The following ESR1 variants were observed in gnomAD, a reference collection of about 807,000 sequenced individuals.
ESR1 encodes the protein estrogen receptor 1.
ESR1 carries 12 observed loss-of-function variants against 52.7 expected under a neutral mutation model. That is an observed-to-expected ratio of 0.23 (90% CI 0.15 to 0.37). ESR1 has a LOEUF of 0.37. ESR1 is among the 10% of genes least tolerant of loss of function. ESR1 has a pLI of 1.00. For synonymous variants in ESR1, 305 were observed against 316.8 expected (o/e 0.96, Z 0.39); for missense variants, 584 against 779.7 (o/e 0.75, Z 2.99).
chr6:151,848,967 T>C (rs1297542134), intron 2 of ESR1, among the ~76,000 whole-genome samples: 2 of 152,142 alleles, frequency 1.3e-5, no homozygotes, highest in East Asian at 1.9e-4. Flanking sequence ...TTTTTTGCTA[T>C]TCCCCCCAAC....
At chr6:152,097,293 A>G (rs2050693330) in intron 7 of ESR1, among the ~76,000 whole-genome samples, 1 of 152,206 alleles carries the variant, frequency 6.6e-6, no homozygotes, top group Non-Finnish European at 1.5e-5. Context: ...GTTGCTACTC[A>G]GAGAATTTAA....
chr6:151,857,616 C>T (rs537965388), intron 2 of ESR1, among the ~76,000 whole-genome samples: 26 of 152,220 alleles, frequency 1.7e-4, no homozygotes, highest in Middle Eastern at 6.8e-3. Flanking sequence ...GCAACCTCTG[C>T]CTCCCGGGTT....
At chr6:151,693,948 C>T (rs1460213450) in intron 1 of ESR1, among the ~76,000 whole-genome samples, 1 of 152,072 alleles carries the variant, frequency 6.6e-6, no homozygotes, top group Non-Finnish European at 1.5e-5. Context: ...AATGTGATAC[C>T]AAAGACCTGA....
chr6:151,669,298 G>T (rs961016312), intron 1 of ESR1, among the ~76,000 whole-genome samples: 37 of 150,838 alleles, frequency 2.5e-4, no homozygotes, highest in Middle Eastern at 3.2e-3. Context: ...GGGGAGAGGG[G>T]TTAAATGTGA....
At chr6:151,669,376 G>A (rs1306621172) in intron 1 of ESR1, among the ~76,000 whole-genome samples, 1 of 151,990 alleles carries the variant, frequency 6.6e-6, no homozygotes, top group East Asian at 1.9e-4. Flanking sequence ...AGCCTACAGA[G>A]AATTTGAGGA....
chr6:152,003,340 A>ATGTG (rs60787638), intron 4 of ESR1, among the ~76,000 whole-genome samples: 6,493 of 145,580 alleles, frequency 0.045, 267 homozygotes, highest in African/African-American at 0.11. Context: ...AAGGGTAATT[A>ATGTG]TGTGTGTGTG....
At chr6:151,764,161 A>G (rs1245201873) in intron 2 of ESR1, among the ~76,000 whole-genome samples, 1 of 152,154 alleles carries the variant, frequency 6.6e-6, no homozygotes, top group Non-Finnish European at 1.5e-5. Flanking sequence ...GGAAGGTGGG[A>G]CTTTCAATGC....
intron 1 of ESR1, among the ~76,000 whole-genome samples, chr6:151,664,439 T>C (rs78517863): frequency 0.11 from 16,209 of 152,206 alleles, 1,016 homozygotes; most frequent in East Asian, 0.29. Context: ...GAAATAACCA[T>C]TTAAAATATA....
At chr6:152,068,139 G>C (rs543766010) in intron 6 of ESR1, among the ~76,000 whole-genome samples, 1 of 152,242 alleles carries the variant, frequency 6.6e-6, no homozygotes, top group African/African-American at 2.4e-5. Flanking sequence ...AGGCTACCAA[G>C]GATGTGGCCA....
At chr6:152,119,252 TCTC>T (rs1439267234) in intron 6 of ESR1, among the ~76,000 whole-genome samples, 1 of 152,166 alleles carries the variant, frequency 6.6e-6, no homozygotes, top group Non-Finnish European at 1.5e-5. Flanking sequence ...TTATAGTAAA[TCTC>T]AGGCCTCGGC....
intron 6 of ESR1, among the ~76,000 whole-genome samples, chr6:152,116,209 T>G (rs1314248421): frequency 1.3e-5 from 2 of 152,224 alleles, no homozygotes; most frequent in African/African-American, 4.8e-5. Context: ...TTTGATTCAG[T>G]AATTCCACTT....
chr6:151,998,561 A>G (rs1189038902), intron 4 of ESR1, among the ~76,000 whole-genome samples: 2 of 152,098 alleles, frequency 1.3e-5, no homozygotes, highest in African/African-American at 4.8e-5. Context: ...AGTATCTTCT[A>G]GAACTGGGGA....
chr6:151,871,198 A>C (rs1169053642), intron 2 of ESR1, among the ~76,000 whole-genome samples: 1 of 151,958 alleles, frequency 6.6e-6, no homozygotes, highest in Non-Finnish European at 1.5e-5. Flanking sequence ...CCATGAAAGC[A>C]GAAACCACTT....
At chr6:151,884,336 CA>C (rs1470749028) in intron 3 of ESR1, among the ~76,000 whole-genome samples, 2 of 152,142 alleles carry the variant, frequency 1.3e-5, no homozygotes, top group Non-Finnish European at 2.9e-5. Flanking sequence ...ACTGGAAGTA[CA>C]ATGATAACTA....
At chr6:151,919,578 T>C (rs1562548087) in intron 3 of ESR1, among the ~76,000 whole-genome samples, 1 of 152,204 alleles carries the variant, frequency 6.6e-6, no homozygotes, top group Non-Finnish European at 1.5e-5. Flanking sequence ...GATTCTGAGG[T>C]TACAAATTGT....
At chr6:151,710,660 T>C (rs961979233) in intron 2 of ESR1, among the ~76,000 whole-genome samples, 1 of 152,108 alleles carries the variant, frequency 6.6e-6, no homozygotes. Context: ...GCCATGGTGG[T>C]TTGCTGCACC....
intron 3 of ESR1, among the ~76,000 whole-genome samples, chr6:151,908,989 C>A (rs1244285434): frequency 6.6e-6 from 1 of 151,986 alleles, no homozygotes; most frequent in African/African-American, 2.4e-5. Context: ...ACATTCACTA[C>A]AAGTACATAC....
intron 4 of ESR1, among the ~76,000 whole-genome samples, chr6:151,971,311 A>G (rs951377873): frequency 6.6e-6 from 1 of 152,022 alleles, no homozygotes; most frequent in African/African-American, 2.4e-5. Context: ...TGTACACTGT[A>G]TCTAGTTTGT....
At chr6:152,105,933 G>A (rs1286818704), downstream of ESR1, among the ~76,000 whole-genome samples, 6 of 150,388 alleles carry the variant, frequency 4.0e-5, no homozygotes, top group East Asian at 5.9e-4. Context: ...GACTACAGGC[G>A]CCCGCCACCG....
Sources: allele counts gnomAD v4.1 joint callset (sites outside exome capture counted in the v4.1 genomes callset), GRCh38; gene constraint gnomAD v4.1.1; transcripts MANE v1.5; gene names NCBI Gene and HGNC (gene_info 2026-07-23, HGNC 2026-07-21).